LRPPRC: variants seen among roughly 807,000 people sequenced by gnomAD.
LRPPRC encodes the protein leucine-rich PPR motif-containing protein, mitochondrial.
LRPPRC carries 120 observed loss-of-function variants against 180.3 expected under a neutral mutation model. The observed-to-expected ratio is 0.67, with a 90% CI of 0.57 to 0.77. The LOEUF (loss-of-function observed/expected upper bound fraction) is 0.77. Ranked by LOEUF, LRPPRC falls within the 30% of genes least tolerant of loss-of-function variation. The pLI, the probability that LRPPRC is intolerant of heterozygous loss-of-function variation, is 0.00. For synonymous variants in LRPPRC, 723 were observed against 600.0 expected, an observed-to-expected ratio of 1.21 and a Z score of -3.00; for missense variants, 2,012 against 1,657.2, an observed-to-expected ratio of 1.21 and a Z score of -3.72.
At chr2:43,983,963 A>G (rs947125723) in intron 1 of LRPPRC, among the ~76,000 whole-genome samples, 1 of 152,192 alleles carries the variant, frequency 6.6e-6, no homozygotes, top group Admixed American at 6.5e-5. Flanking sequence ...TACTGACTAA[A>G]TAAGACAATG....
At chr2:43,984,040 A>G (rs1674422976) in intron 1 of LRPPRC, among the ~76,000 whole-genome samples, 1 of 152,118 alleles carries the variant, frequency 6.6e-6, no homozygotes, top group South Asian at 2.1e-4. Context: ...TTGTCAAACG[A>G]GCTGAATTAA....
chr2:43,964,811 A>G (rs961011937), intron 11 of LRPPRC, among the ~76,000 whole-genome samples: 1 of 152,240 alleles, frequency 6.6e-6, no homozygotes, highest in Non-Finnish European at 1.5e-5. Flanking sequence ...AGACAAATAG[A>G]CCAATGCAAC....
chr2:43,898,700 A>G (rs1352868079), intron 34 of LRPPRC, among the ~76,000 whole-genome samples: 1 of 152,186 alleles, frequency 6.6e-6, no homozygotes, highest in East Asian at 1.9e-4. Context: ...GTGACACACA[A>G]GTGAATAGAA....
At chr2:43,995,586 C>T (rs2103795539) in intron 1 of LRPPRC, among the ~76,000 whole-genome samples, 1 of 152,344 alleles carries the variant, frequency 6.6e-6, no homozygotes, top group South Asian at 2.1e-4. Flanking sequence ...AAGCCGGAGG[C>T]AGGCCATGCC....
Position 43,960,653 on chromosome 2 carries a change from T to A in LRPPRC, c.1489-19A>T. 8.8e-7 allele frequency: 1 copy of A among 1,135,150 alleles called. No homozygotes were observed. The highest frequency in any genetic ancestry group is 1.3e-6 in the Non-Finnish European group (1 of 746,032). The allele number at this position is 1,135,150 out of a possible 1,614,324, so 70.3% of individuals were successfully genotyped here. ...CATTTTCCTGGAGATAAAGCATATA[T>A]CAATGAGAATACATCTCAGCTAACA... On this transcript the variant is annotated intron_variant, in intron 12 of 37. Coordinates refer to ENST00000260665, the MANE Select transcript of LRPPRC (RefSeq NM_133259.4).
At chr2:43,930,799 A>T (rs563950657) in intron 25 of LRPPRC, among the ~76,000 whole-genome samples, 34 of 152,320 alleles carry the variant, frequency 2.2e-4, no homozygotes, top group Non-Finnish European at 3.8e-4. Context: ...GCAGAGCCAG[A>T]ACTAAAACTC....
chr2:43,982,567 T>C (rs1674360516), intron 1 of LRPPRC, 133 bp from the exon 2 acceptor site: 1 of 682,766 alleles, frequency 1.5e-6, no homozygotes, highest in Non-Finnish European at 2.5e-6. Flanking sequence ...AATAGAGGTA[T>C]GAACTAATGG....
intron 23 of LRPPRC, among the ~76,000 whole-genome samples, chr2:43,935,909 C>A (rs1672259240): frequency 6.6e-6 from 1 of 152,030 alleles, no homozygotes; most frequent in South Asian, 2.1e-4. Context: ...GGTGGAGAAA[C>A]CCCATCTCTA....
intron 12 of LRPPRC, 128 bp downstream of exon 12, chr2:43,963,460 A>G: frequency 2.8e-6 from 2 of 718,800 alleles, no homozygotes; most frequent in South Asian, 3.1e-5. Flanking sequence ...AAAGAAAAAA[A>G]GAAAATTGTA....
chr2:43,905,630 G>A (rs944164164), intron 31 of LRPPRC, 62 bp downstream of exon 31: 2 of 1,159,256 alleles, frequency 1.7e-6, no homozygotes, highest in Non-Finnish European at 2.6e-6. Flanking sequence ...TATTCGAAGG[G>A]CGTTACAAGA....
intron 32 of LRPPRC, among the ~76,000 whole-genome samples, chr2:43,900,077 A>G (rs1438610690): frequency 1.3e-5 from 2 of 152,204 alleles, no homozygotes; most frequent in Non-Finnish European, 2.9e-5. Context: ...TCTTAAAGAT[A>G]CTGATGATGT....
intron 23 of LRPPRC, among the ~76,000 whole-genome samples, chr2:43,942,835 T>C (rs918582150): frequency 1.3e-5 from 2 of 152,190 alleles, no homozygotes; most frequent in African/African-American, 4.8e-5. Flanking sequence ...TCTAAATTAG[T>C]ATCTTTTCAT....
chr2:43,948,021 A>AT (rs1042113454), intron 18 of LRPPRC, 101 bp downstream of exon 18: 13 of 862,808 alleles, frequency 1.5e-5, no homozygotes, highest in Non-Finnish European at 2.3e-5. Context: ...ATTGAAACAA[A>AT]TTTTTTTTCT....
intron 7 of LRPPRC, 41 bp from the exon 8 acceptor site, chr2:43,974,799 TTTTTA>T: frequency 6.3e-7 from 1 of 1,590,964 alleles, no homozygotes; most frequent in Non-Finnish European, 8.6e-7. Flanking sequence ...AGTTAGAGTG[TTTTTA>T]TTTAAGTATT....
rs536044941 is a variant in LRPPRC, at chr2:43,886,437, A to G, written c.*2163T>C. The G allele has an allele frequency of 6.6e-6, 1 of 152,228 alleles. No homozygotes were observed. The highest frequency in any genetic ancestry group is 1.5e-5 in the Non-Finnish European group (1 of 68,036). 9.4% of individuals were successfully genotyped at this position (152,228 alleles called of 1,614,324 possible). A position where few individuals can be genotyped will look rare whatever the true frequency, so the allele number is the denominator to read the frequency against. On this transcript the variant is annotated 3_prime_UTR_variant, in exon 38 of 38. Transcript: ENST00000260665. The stretch of plus-strand genomic sequence containing the variant: ...ACTTATTTCAATTTAGCTATTAGAT[A>G]TTTAGAACACTCATAAGCCCACCTA...
chr2:43,920,413 G>C (rs1257242893), intron 27 of LRPPRC, among the ~76,000 whole-genome samples: 1 of 152,166 alleles, frequency 6.6e-6, no homozygotes, highest in Non-Finnish European at 1.5e-5. Context: ...TGGGATTATA[G>C]GTGTGAGCCA....
At chr2:43,898,697 A>G (rs1670780563) in intron 34 of LRPPRC, among the ~76,000 whole-genome samples, 1 of 152,232 alleles carries the variant, frequency 6.6e-6, no homozygotes, top group South Asian at 2.1e-4. Context: ...TCTGTGACAC[A>G]CAAGTGAATA....
intron 36 of LRPPRC, chr2:43,890,196 A>T (rs1044878326): frequency 2.4e-6 from 1 of 410,722 alleles, no homozygotes; most frequent in African/African-American, 2.1e-5. Context: ...CACAAACTGA[A>T]GTCCTCAGTT....
At chr2:43,926,093 A>T (rs908376101) in intron 25 of LRPPRC, 132 bp from the exon 26 acceptor site, 1 of 626,896 alleles carries the variant, frequency 1.6e-6, no homozygotes, top group African/African-American at 1.8e-5. Context: ...ACTAAACTAT[A>T]TATACTAGTA....
Sources: gnomAD v4.1 joint callset for allele counts (sites outside exome capture counted in the v4.1 genomes callset) on GRCh38, gnomAD v4.1.1 for gene constraint, MANE v1.5 for transcripts, NCBI Gene and HGNC (gene_info 2026-07-23, HGNC 2026-07-21) for gene names.